The following PKHD1 variants were observed in gnomAD, a reference collection of about 807,000 sequenced individuals.
PKHD1 encodes PKHD1 ciliary IPT domain containing fibrocystin/polyductin.
PKHD1 carries 291 observed loss-of-function variants against 412.0 expected under a neutral mutation model. That is an observed-to-expected ratio of 0.71 (90% confidence interval 0.64 to 0.78). The LOEUF (loss-of-function observed/expected upper bound fraction) is 0.78. Among genes scored for constraint, PKHD1 ranks in the 30% least tolerant of loss-of-function variants. PKHD1 has a pLI of 0.00. For missense variants in PKHD1, 4,825 were observed against 4,950.7 expected, an observed-to-expected ratio of 0.97 and a Z score of 0.76; for synonymous variants, 1,777 against 1,821.5, an observed-to-expected ratio of 0.98 and a Z score of 0.62.
chr6:51,627,026 G>A lies in PKHD1; in HGVS notation c.11756C>T (p.Pro3919Leu), dbSNP rs775014599. The A allele has an allele frequency of 8.4e-5, 135 of 1,613,288 alleles. No individual in the cohort carries two copies. Among genetic ancestry groups the A allele is most frequent in the Non-Finnish European group, 1.1e-4 (132 of 1,179,592 alleles). The change falls in exon 66 of 67, where the codon CCC becomes CTC. Residue 3919 changes from proline to leucine, a missense_variant. Physicochemically the swap from Pro to Leu is moderately conservative, Grantham distance 98. Transcript: ENST00000371117. Reference sequence around the variant, plus strand: ...TCCCACCACAGTGTCTTCTTTTTTGGGCCCTTGTGATTCTCGGCGTTTGGA... The same window carrying A: ...TCCCACCACAGTGTCTTCTTTTTTGAGCCCTTGTGATTCTCGGCGTTTGGA... ...ISSKRRESQG[P>L]KKEDTVVGED... is the part of the protein sequence containing the mutation.
chr6:51,950,398 G>A (rs1790188496), intron 36 of PKHD1, among the ~76,000 whole-genome samples: 1 of 151,972 alleles, frequency 6.6e-6, no homozygotes, highest in African/African-American at 2.4e-5. Context: ...AGTTTCCACT[G>A]TTCTTTGCTA....
At position 51,736,899 on chromosome 6, in the gene PKHD1, C is replaced by G. The variant is rs190435085; in HGVS notation, c.10156+7486G>C. ...CTAGCAACAAAAAGTTGAGAAACTG[C>G]AAGCCACTCTCTGTTAAGTAGCTGA... On this transcript the variant is annotated intron_variant, in intron 60 of 66. Transcript: ENST00000371117. Among the ~76,000 whole-genome samples, 262 of 152,314 alleles carry G rather than the reference C, an allele frequency of 1.7e-3. 2 individuals carry two copies. The highest frequency in any genetic ancestry group is 6.0e-3 in the African/African-American group (250 of 41,570).
At position 51,967,760 on chromosome 6, in the gene PKHD1, T is replaced by C. The variant is rs376053719; in HGVS notation, c.5752-7734A>G. Among the ~76,000 whole-genome samples the C allele has an allele frequency of 1.4e-4, 22 of 152,138 alleles. 1 individual carries two copies. The highest frequency in any genetic ancestry group is 4.8e-4 in the African/African-American group (20 of 41,532). On this transcript the variant is annotated intron_variant, in intron 35 of 66. Transcript: ENST00000371117. ...CCAGATCAGAAGATTGACAGATACA[T>C]GCTAGCCTTTTTCACAAGCTAACAC...
At chr6:51,981,245 C>G in intron 35 of PKHD1, among the ~76,000 whole-genome samples, 1 of 116,192 alleles carries the variant, frequency 8.6e-6, no homozygotes, top group Non-Finnish European at 2.0e-5. Context: ...CTCTGTGCAA[C>G]CCAAGCTCAA....
At chr6:51,671,532 C>T (rs1300415074) in intron 60 of PKHD1, among the ~76,000 whole-genome samples, 1 of 152,186 alleles carries the variant, frequency 6.6e-6, no homozygotes, top group Non-Finnish European at 1.5e-5. Context: ...TCGTCTGAAG[C>T]CTTCTTCTCT....
chr6:51,765,034 C>A (rs1350405702), intron 55 of PKHD1, among the ~76,000 whole-genome samples: 1 of 152,110 alleles, frequency 6.6e-6, no homozygotes, highest in Admixed American at 6.6e-5. Flanking sequence ...TTGGCATCTA[C>A]TCTTGGTGTC....
At chr6:51,922,115 G>C (rs914962595) in intron 37 of PKHD1, among the ~76,000 whole-genome samples, 1 of 152,176 alleles carries the variant, frequency 6.6e-6, no homozygotes. Flanking sequence ...TGGGGTTTTG[G>C]TGTGGATGTC....
At chr6:51,982,806 TA>T (rs1195552598) in intron 35 of PKHD1, among the ~76,000 whole-genome samples, 2,613 of 40,176 alleles carry the variant, frequency 0.065, 20 homozygotes, top group Non-Finnish European at 0.074. Context: ...GAATGATCAA[TA>T]AAAAAAAAAA....
intron 52 of PKHD1, among the ~76,000 whole-genome samples, chr6:51,800,698 T>C (rs780682730): frequency 6.6e-6 from 1 of 152,208 alleles, no homozygotes; most frequent in Admixed American, 6.5e-5. Flanking sequence ...GGAATAATGA[T>C]GGGGTCACAT....
At position 52,084,894 on chromosome 6, in the gene PKHD1, G is replaced by C. The variant is rs776880990; in HGVS notation, c.40C>G (p.Leu14Val). 1.1e-5 allele frequency: 17 copies of C among 1,602,580 alleles called. No homozygotes were observed. The highest frequency in any genetic ancestry group is 1.4e-5 in the Non-Finnish European group (16 of 1,169,778). Residue 14 changes from leucine to valine, a missense_variant, in exon 2 of 67, where the codon CTA (leucine) becomes GTA (valine). By Grantham distance (32) the Leu-to-Val change is conservative. Transcript: ENST00000371117. Reference sequence around the variant, plus strand: ...ACATTCTACTGACCTGCCAAAAGTAGTACTTCAATACTCATCAGAGAGATC... The same window carrying C: ...ACATTCTACTGACCTGCCAAAAGTACTACTTCAATACTCATCAGAGAGATC... ...WLISLMSIEV[L>V]LLAVRHLSLH... is the part of the protein sequence containing the mutation.
chr6:51,999,329 C>T (rs796382291), intron 35 of PKHD1, among the ~76,000 whole-genome samples: 19 of 152,308 alleles, frequency 1.2e-4, no homozygotes, highest in African/African-American at 4.3e-4. Context: ...CTTCTTTTCT[C>T]CTCTAACTCC....
intron 10 of PKHD1, 90 bp downstream of exon 10, chr6:52,070,316 C>T: frequency 1.1e-6 from 1 of 871,234 alleles, no homozygotes; most frequent in Non-Finnish European, 2.0e-6. Context: ...CATTTTCCGT[C>T]ATAAAAAGAT....
chr6:52,030,293 A>C (rs2128157823), intron 29 of PKHD1, among the ~76,000 whole-genome samples: 1 of 152,316 alleles, frequency 6.6e-6, no homozygotes, highest in South Asian at 2.1e-4. Flanking sequence ...CGGCTCTCAA[A>C]GCCTTGGATT....
chr6:51,851,306 T>C (rs916990072), intron 49 of PKHD1, among the ~76,000 whole-genome samples: 3 of 152,218 alleles, frequency 2.0e-5, no homozygotes, highest in African/African-American at 7.2e-5. Context: ...TGCCAGTATT[T>C]TATTGAGGAT....
chr6:51,650,988 T>C (rs1389266687), intron 61 of PKHD1, among the ~76,000 whole-genome samples: 1 of 152,138 alleles, frequency 6.6e-6, no homozygotes, highest in Non-Finnish European at 1.5e-5. Flanking sequence ...TCCCCTAACC[T>C]TTTCCTTAAA....
rs1036417793 is a variant in PKHD1 at position 52,010,437 on chromosome 6, C to T, written c.5623G>A (p.Val1875Ile). 4 of 1,603,704 alleles carry T rather than the reference C, an allele frequency of 2.5e-6. No homozygotes were observed. The highest frequency in any genetic ancestry group is 3.3e-5 in the Admixed American group (2 of 59,994). The change falls in exon 35 of 67, where the codon GTT becomes ATT. Residue 1875 changes from valine (V) to isoleucine (I), a missense_variant. Transcript: ENST00000371117. ...TTACAGGAGCTATTATAGATGAGAA[C>T]TTCATCTCTTTCCAATTTAGGGCTG... ...FISPKLERDEVLIYNSSCNIT... is the reference protein window; with the variant it reads ...FISPKLERDEILIYNSSCNIT...
At chr6:51,674,008 G>T (rs1323107063) in intron 60 of PKHD1, among the ~76,000 whole-genome samples, 1 of 152,172 alleles carries the variant, frequency 6.6e-6, no homozygotes, top group South Asian at 2.1e-4. Context: ...TCTAGAGATG[G>T]TAGATAGAGA....
At chr6:51,802,996 A>G (rs1455749814) in intron 52 of PKHD1, among the ~76,000 whole-genome samples, 2 of 150,886 alleles carry the variant, frequency 1.3e-5, no homozygotes, top group Non-Finnish European at 2.9e-5. Context: ...TATATCAATT[A>G]TAATTGATGT....
intron 40 of PKHD1, among the ~76,000 whole-genome samples, chr6:51,907,862 T>C (rs1370754851): frequency 6.6e-6 from 1 of 152,160 alleles, no homozygotes; most frequent in Non-Finnish European, 1.5e-5. Context: ...AAACTTTTAT[T>C]TTTTAAGCAC....
Sources: allele counts gnomAD v4.1 joint callset (sites outside exome capture counted in the v4.1 genomes callset), GRCh38; gene constraint gnomAD v4.1.1; transcripts MANE v1.5; gene names NCBI Gene and HGNC (gene_info 2026-07-23, HGNC 2026-07-21).